Variants in WDPCP observed in about 807,000 individuals in gnomAD.
The protein encoded by WDPCP is WD repeat-containing and planar cell polarity effector protein fritz homolog.
WDPCP carries 71 observed loss-of-function variants against 93.1 expected under a neutral mutation model. The observed-to-expected ratio is 0.76, with a 90% CI of 0.63 to 0.93. WDPCP has a LOEUF of 0.93. WDPCP is among the 40% of genes least tolerant of loss of function. WDPCP has a pLI of 0.00. For missense variants in WDPCP, 844 were observed against 887.4 expected, an observed-to-expected ratio of 0.95 and a Z score of 0.62; for synonymous variants, 315 against 315.0, an observed-to-expected ratio of 1.00 and a Z score of 0.00.
intron 2 of WDPCP, among the ~76,000 whole-genome samples, chr2:63,688,003 G>A (rs1383003029): frequency 6.6e-6 from 1 of 152,220 alleles, no homozygotes; most frequent in East Asian, 1.9e-4. Flanking sequence ...GTACTATTCA[G>A]CATAAAAAGG....
chr2:63,136,176 C>CTA (rs1231420259), intron 17 of WDPCP, among the ~76,000 whole-genome samples: 10 of 152,054 alleles, frequency 6.6e-5, no homozygotes, highest in Non-Finnish European at 5.9e-5. Flanking sequence ...CTCTCTCTCT[C>CTA]TCTATATATA....
At chr2:63,583,362 C>T (rs1708617281) in intron 1 of WDPCP, among the ~76,000 whole-genome samples, 1 of 152,082 alleles carries the variant, frequency 6.6e-6, no homozygotes, top group Non-Finnish European at 1.5e-5. Flanking sequence ...AGACAAATAG[C>T]AAGACGTCAT....
At chr2:63,695,597 G>T (rs1038628735) in intron 2 of WDPCP, among the ~76,000 whole-genome samples, 1 of 152,160 alleles carries the variant, frequency 6.6e-6, no homozygotes, top group Non-Finnish European at 1.5e-5. Context: ...CTTAAGAGAG[G>T]TGGATCTCCT....
At chr2:63,449,893 G>C (rs114231952) in intron 6 of WDPCP, among the ~76,000 whole-genome samples, 268 of 152,258 alleles carry the variant, frequency 1.8e-3, no homozygotes, top group African/African-American at 6.0e-3. Flanking sequence ...ACATCCCAGT[G>C]TCCACTCAGA....
At chr2:63,409,502 C>A (rs1575356739) in intron 9 of WDPCP, among the ~76,000 whole-genome samples, 1 of 152,082 alleles carries the variant, frequency 6.6e-6, no homozygotes, top group South Asian at 2.1e-4. Flanking sequence ...TTTAGTACCC[C>A]CAAAAGATCA....
chr2:63,351,395 T>G (rs998479605), intron 12 of WDPCP, among the ~76,000 whole-genome samples: 11 of 152,024 alleles, frequency 7.2e-5, no homozygotes, highest in Non-Finnish European at 1.5e-4. Context: ...ACCTAATACC[T>G]GATAGGTAGT....
At chr2:63,307,875 G>A (rs762957463) in intron 13 of WDPCP, among the ~76,000 whole-genome samples, 6 of 152,072 alleles carry the variant, frequency 3.9e-5, no homozygotes, top group Non-Finnish European at 8.8e-5. Context: ...ATTGACAAAC[G>A]GGATCTAACT....
intron 1 of WDPCP, among the ~76,000 whole-genome samples, chr2:63,585,961 G>T (rs1708821748): frequency 1.3e-5 from 2 of 151,328 alleles, no homozygotes; most frequent in South Asian, 4.2e-4. Flanking sequence ...TGAGGAGCTG[G>T]GACTACAGGT....
At chr2:63,784,717 A>C (rs1014235135) in intron 2 of WDPCP, among the ~76,000 whole-genome samples, 6 of 152,142 alleles carry the variant, frequency 3.9e-5, no homozygotes, top group Admixed American at 3.9e-4. Context: ...TAGCAATCTG[A>C]GATGTTTTAA....
At chr2:63,662,864 A>T (rs1710241005) in intron 2 of WDPCP, among the ~76,000 whole-genome samples, 1 of 152,174 alleles carries the variant, frequency 6.6e-6, no homozygotes, top group Non-Finnish European at 1.5e-5. Context: ...GAAATGTGAA[A>T]ATATTCATGG....
At chr2:63,218,672 G>GGCGTGCGACACTACGCGTGCGACACTAC (rs201286718) in intron 14 of WDPCP, among the ~76,000 whole-genome samples, 1 of 151,982 alleles carries the variant, frequency 6.6e-6, no homozygotes, top group Admixed American at 6.6e-5. Context: ...TGGGACTAAA[G>GGCGTGCGACACTACGCGTGCGACACTAC]GCGTGCGACA....
chr2:63,621,613 C>G (rs1709738826), intron 3 of WDPCP, among the ~76,000 whole-genome samples: 1 of 152,044 alleles, frequency 6.6e-6, no homozygotes, highest in Non-Finnish European at 1.5e-5. Flanking sequence ...AGGATATTAT[C>G]CAGGAGAACT....
chr2:63,190,615 GAAAA>G (rs1674973115), intron 14 of WDPCP, among the ~76,000 whole-genome samples: 1 of 151,750 alleles, frequency 6.6e-6, no homozygotes, highest in South Asian at 2.1e-4. Context: ...CCAAGAGTTA[GAAAA>G]AAAATTTATA....
At chr2:63,834,995 ACTG>A in the WDPCP span, among the ~76,000 whole-genome samples, 1 of 152,124 alleles carries the variant, frequency 6.6e-6, no homozygotes, top group Non-Finnish European at 1.5e-5. Context: ...AGAAAAAAGT[ACTG>A]CTATTCATTA....
intron 12 of WDPCP, among the ~76,000 whole-genome samples, chr2:63,324,434 G>A (rs1281910751): frequency 6.6e-6 from 1 of 152,110 alleles, no homozygotes; most frequent in African/African-American, 2.4e-5. Flanking sequence ...CAAGCTGTAG[G>A]GGAAGGGGAA....
At chr2:63,576,580 G>A (rs1708131795) in intron 1 of WDPCP, among the ~76,000 whole-genome samples, 1 of 152,176 alleles carries the variant, frequency 6.6e-6, no homozygotes, top group African/African-American at 2.4e-5. Flanking sequence ...GGGTTTTATG[G>A]AGGTTTCTTT....
chr2:63,184,407 G>A (rs1003271963), intron 14 of WDPCP, among the ~76,000 whole-genome samples: 13 of 152,118 alleles, frequency 8.5e-5, no homozygotes, highest in Admixed American at 2.6e-4. Context: ...TATAGGGTTC[G>A]TCTAGTGGTG....
At chr2:63,533,053 T>G (rs1422683700) in intron 1 of WDPCP, among the ~76,000 whole-genome samples, 1 of 152,074 alleles carries the variant, frequency 6.6e-6, no homozygotes, top group East Asian at 1.9e-4. Flanking sequence ...AAGCAGGGGT[T>G]GCAATCCTAG....
At chr2:63,602,934 C>CTTTTGTTTTTTTT (rs1709452776) in intron 3 of WDPCP, among the ~76,000 whole-genome samples, 26 of 131,618 alleles carry the variant, frequency 2.0e-4, no homozygotes, top group Non-Finnish European at 3.9e-4. Flanking sequence ...TTTAACCGTT[C>CTTTTGTTTTTTTT]TTTTTTTTTT....
Sources: gnomAD v4.1 joint callset for allele counts (sites outside exome capture counted in the v4.1 genomes callset) on GRCh38, gnomAD v4.1.1 for gene constraint, MANE v1.5 for transcripts, NCBI Gene and HGNC (gene_info 2026-07-23, HGNC 2026-07-21) for gene names.